NOSTRIN: variants seen among roughly 807,000 people sequenced by gnomAD.
NOSTRIN encodes the protein nitric oxide synthase trafficking, also known as BM247 homolog.
Under a neutral mutation model 59.0 loss-of-function variants are expected in NOSTRIN, and 63 were observed. The ratio of observed to expected loss-of-function variants is 1.07; its 90% confidence interval spans 0.87 to 1.32. The LOEUF is 1.32. Ranked by LOEUF, NOSTRIN falls within the 40% of genes most tolerant of loss-of-function variation. The pLI is 0.00. For synonymous variants in NOSTRIN, 200 were observed against 165.4 expected, an observed-to-expected ratio of 1.21 and a Z score of -1.61; for missense variants, 512 against 473.1, an observed-to-expected ratio of 1.08 and a Z score of -0.76.
intron 15 of NOSTRIN, 31 bp from the exon 16 acceptor site, chr2:168,864,803 G>C (rs1442789361): frequency 1.2e-6 from 2 of 1,612,726 alleles, no homozygotes; most frequent in Admixed American, 1.7e-5. Flanking sequence ...TCACATCACA[G>C]AGACCCATTT....
intron 2 of NOSTRIN, among the ~76,000 whole-genome samples, chr2:168,820,429 G>A (rs1686664854): frequency 6.6e-6 from 1 of 152,142 alleles, no homozygotes; most frequent in African/African-American, 2.4e-5. Context: ...TCTTGCCTAG[G>A]GAGAACACAG....
At chr2:168,823,863 G>C (rs544658772) in intron 2 of NOSTRIN, among the ~76,000 whole-genome samples, 4 of 152,164 alleles carry the variant, frequency 2.6e-5, no homozygotes, top group Non-Finnish European at 1.5e-5. Flanking sequence ...GGTCACCTGA[G>C]GTCAGGCGTT....
At chr2:168,792,495 G>T (rs965264098) in intron 2 of NOSTRIN, among the ~76,000 whole-genome samples, 1 of 152,018 alleles carries the variant, frequency 6.6e-6, no homozygotes, top group Non-Finnish European at 1.5e-5. Flanking sequence ...TGTCACCCAG[G>T]CTGGAGTGCA....
upstream of NOSTRIN, among the ~76,000 whole-genome samples, chr2:168,794,111 G>T (rs751137357): frequency 4.6e-5 from 7 of 152,190 alleles, no homozygotes; most frequent in Non-Finnish European, 8.8e-5. Flanking sequence ...TGAAAGAAGG[G>T]ATTGGCACTT....
chr2:168,856,655 G>A (rs1167448759), intron 11 of NOSTRIN, 35 bp from the exon 12 acceptor site: 3 of 1,592,478 alleles, frequency 1.9e-6, no homozygotes, highest in East Asian at 4.5e-5. Flanking sequence ...CTGAGACAGT[G>A]TGAAAGGTGA....
At position 168,834,212 on chromosome 2, in the gene NOSTRIN, T is replaced by C. The variant is rs1687539076; in HGVS notation, c.406-15T>C. 1 of 868,370 alleles carries C rather than the reference T, an allele frequency of 1.2e-6. No homozygotes were observed. The allele number at this position is 868,370 out of a possible 1,614,324, so 53.8% of individuals were successfully genotyped here. A position where few individuals can be genotyped will look rare whatever the true frequency, so the allele number is the denominator to read the frequency against. ...TCTGCTCCTTTTTTTCTTGTTTGTATGTTTTTTACTCTAGGCCAAGAAGAA... is the reference window on the plus strand; with the variant it reads ...TCTGCTCCTTTTTTTCTTGTTTGTACGTTTTTTACTCTAGGCCAAGAAGAA... On this transcript the variant is annotated splice_polypyrimidine_tract_variant and intron_variant, in intron 6 of 15. Coordinates refer to ENST00000317647, the MANE Select transcript of NOSTRIN (RefSeq NM_001039724.4).
At chr2:168,856,479 G>A (rs1012703657) in intron 11 of NOSTRIN, 5 of 547,594 alleles carry the variant, frequency 9.1e-6, no homozygotes, top group African/African-American at 7.6e-5. Context: ...AGAGGCTGAG[G>A]GAGGAGAATT....
rs183840388 is a variant in NOSTRIN, at chr2:168,810,918, A to C, written c.28-649A>C. Among the ~76,000 whole-genome samples the C allele has an allele frequency of 1.7e-3, 256 of 152,336 alleles. 1 individual carries two copies. Among genetic ancestry groups the C allele is most frequent in the African/African-American group, 5.9e-3 (244 of 41,574 alleles). ...TGTGGAGTTCTAAATCAAATGACAA[A>C]AACTTTTACTGGAAATTCTCGTGTC... On this transcript the variant is annotated intron_variant, in intron 1 of 15. Coordinates refer to ENST00000317647, the MANE Select transcript of NOSTRIN (RefSeq NM_001039724.4).
intron 7 of NOSTRIN, among the ~76,000 whole-genome samples, chr2:168,840,545 A>C (rs1025514824): frequency 9.3e-5 from 14 of 150,744 alleles, no homozygotes; most frequent in East Asian, 3.9e-4. Flanking sequence ...AAAAAAAAAA[A>C]AAAAAACAAA....
In NOSTRIN at chr2:168,859,643, A is replaced by C; in HGVS notation, c.1179+6A>C. ...TCTTCAGGTGGAGGGAAAAGGTAAC[A>C]TTTAAGGAGACTGGTTGTAATTTCT... On this transcript the variant is annotated splice_donor_region_variant and intron_variant, in intron 13 of 15. Transcript: ENST00000317647. 6.2e-7 allele frequency: 1 copy of C among 1,613,554 alleles called. No individual in the cohort carries two copies. The highest frequency in any genetic ancestry group is 8.5e-7 in the Non-Finnish European group (1 of 1,179,854).
chr2:168,810,458 C>T (rs767791820), intron 1 of NOSTRIN, among the ~76,000 whole-genome samples: 1 of 152,128 alleles, frequency 6.6e-6, no homozygotes, highest in African/African-American at 2.4e-5. Flanking sequence ...CACCACATAC[C>T]AAGTGCTTTG....
At chr2:168,841,110 C>T (rs1261932575) in intron 7 of NOSTRIN, among the ~76,000 whole-genome samples, 3 of 151,224 alleles carry the variant, frequency 2.0e-5, no homozygotes, top group African/African-American at 4.9e-5. Flanking sequence ...AAAACTAGTC[C>T]CAGCTACTTG....
At chr2:168,829,375 C>A (rs917540172) in intron 5 of NOSTRIN, among the ~76,000 whole-genome samples, 2 of 151,252 alleles carry the variant, frequency 1.3e-5, no homozygotes, top group Non-Finnish European at 2.9e-5. Context: ...GGCTGGAGTG[C>A]AATGGCGTCA....
chr2:168,832,604 C>T (rs1189755574), intron 6 of NOSTRIN, among the ~76,000 whole-genome samples: 2 of 152,082 alleles, frequency 1.3e-5, no homozygotes, highest in African/African-American at 2.4e-5. Flanking sequence ...TCCATAAGAC[C>T]AAGGACATTA....
intron 1 of NOSTRIN, among the ~76,000 whole-genome samples, chr2:168,803,487 A>T (rs1365961662): frequency 5.9e-5 from 9 of 152,166 alleles, no homozygotes. Context: ...GGGGCGGCAG[A>T]TAAATGGGCG....
At chr2:168,795,775 A>T (rs1003402240), upstream of NOSTRIN, among the ~76,000 whole-genome samples, 27 of 152,244 alleles carry the variant, frequency 1.8e-4, no homozygotes, top group Admixed American at 1.3e-3. Flanking sequence ...CCACAAAGTA[A>T]TTAGTACAAA....
At chr2:168,827,036 C>G (rs1687099032) in intron 3 of NOSTRIN, among the ~76,000 whole-genome samples, 1 of 152,088 alleles carries the variant, frequency 6.6e-6, no homozygotes. Context: ...AATCTGGCAT[C>G]TTTTGGTCTA....
chr2:168,789,714 G>A (rs566490703), intron 2 of NOSTRIN, among the ~76,000 whole-genome samples: 1 of 152,280 alleles, frequency 6.6e-6, no homozygotes, highest in South Asian at 2.1e-4. Context: ...CCAATGCCAT[G>A]GAAAATCAAA....
chr2:168,839,012 T>A (rs1297429110), intron 7 of NOSTRIN, among the ~76,000 whole-genome samples: 1 of 151,786 alleles, frequency 6.6e-6, no homozygotes, highest in East Asian at 2.0e-4. Context: ...CTCGAACTCC[T>A]GACCACAGGT....
Sources: allele counts gnomAD v4.1 joint callset (sites outside exome capture counted in the v4.1 genomes callset), GRCh38; gene constraint gnomAD v4.1.1; transcripts MANE v1.5; gene names NCBI Gene and HGNC (gene_info 2026-07-23, HGNC 2026-07-21).